Variants in DNAJC10 observed in about 807,000 individuals in gnomAD.
The protein encoded by DNAJC10 is DnaJ heat shock protein family (Hsp40) member C10, also known as endoplasmic reticulum disulfide reductase DNAJC10.
In DNAJC10, 101 loss-of-function variants were observed where a neutral mutation model predicts 115.0. The observed-to-expected ratio is 0.88, with a 90% CI of 0.75 to 1.04. The LOEUF is 1.04. Ranked by LOEUF, DNAJC10 falls within the 50% of genes least tolerant of loss-of-function variation. DNAJC10 has a pLI of 0.00. For missense variants in DNAJC10, 981 were observed against 928.8 expected (o/e 1.06, Z -0.73); for synonymous variants, 307 against 301.5 (o/e 1.02, Z -0.19).
chr2:182,752,583 A>C, intron 16 of DNAJC10: 1 of 944,828 alleles, frequency 1.1e-6, no homozygotes, highest in Non-Finnish European at 1.3e-6. Flanking sequence ...ACAATGAACA[A>C]GCCTTTTGAA....
intron 14 of DNAJC10, among the ~76,000 whole-genome samples, chr2:182,748,394 G>T (rs995891990): frequency 9.2e-5 from 14 of 152,122 alleles, no homozygotes; most frequent in African/African-American, 3.1e-4. Flanking sequence ...ATTGATTATT[G>T]CCACAATTTC....
rs1201551559 is a variant in DNAJC10 at position 182,780,391 on chromosome 2, C to G, written c.*3259C>G. On this transcript the variant is annotated 3_prime_UTR_variant, in exon 24 of 24. Coordinates refer to ENST00000264065, the MANE Select transcript of DNAJC10 (RefSeq NM_018981.4). ...ACCTCCTCTCTTTCTCGCTCCTTCT[C>G]TGTGTGACATGCCTTCTCCCCCCGT... is the stretch of plus-strand genomic sequence containing the variant. 2.0e-5 allele frequency: 3 copies of G among 152,378 alleles called. No individual in the cohort carries two copies. The highest frequency in any genetic ancestry group is 6.5e-5 in the Admixed American group (1 of 15,290). 9.4% of individuals were successfully genotyped at this position (152,378 alleles called of 1,614,324 possible).
At chr2:182,741,584 C>A (rs1039212244) in intron 13 of DNAJC10, among the ~76,000 whole-genome samples, 5 of 152,014 alleles carry the variant, frequency 3.3e-5, no homozygotes, top group African/African-American at 1.2e-4. Context: ...AAACCTGTAT[C>A]ATACAATTTT....
At chr2:182,724,362 A>C (rs1439823208) in intron 5 of DNAJC10, among the ~76,000 whole-genome samples, 2 of 152,210 alleles carry the variant, frequency 1.3e-5, no homozygotes, top group African/African-American at 4.8e-5. Flanking sequence ...ACTCACTTAA[A>C]AAATTTAACA....
At chr2:182,761,921 C>A (rs1034901621) in intron 21 of DNAJC10, among the ~76,000 whole-genome samples, 17 of 151,832 alleles carry the variant, frequency 1.1e-4, no homozygotes, top group Admixed American at 1.1e-3. Context: ...GAAGAACAGT[C>A]AGAGGGGTAA....
intron 5 of DNAJC10, among the ~76,000 whole-genome samples, chr2:182,725,836 A>G (rs1031094277): frequency 3.3e-5 from 5 of 152,224 alleles, no homozygotes; most frequent in Non-Finnish European, 7.3e-5. Flanking sequence ...TCTCAATGTT[A>G]ATGAGACAGC....
At chr2:182,776,510 C>G (rs931054634) in intron 23 of DNAJC10, among the ~76,000 whole-genome samples, 1 of 152,132 alleles carries the variant, frequency 6.6e-6, no homozygotes, top group Non-Finnish European at 1.5e-5. Context: ...GATTCTTTCC[C>G]TATGAGGCGA....
chr2:182,763,985 A>G (rs1019402097), intron 22 of DNAJC10, among the ~76,000 whole-genome samples: 3 of 152,180 alleles, frequency 2.0e-5, no homozygotes, highest in Non-Finnish European at 4.4e-5. Context: ...GCTGAAGGGT[A>G]CTTGTTTGTA....
At chr2:182,735,924 A>G (rs1186401143) in intron 10 of DNAJC10, among the ~76,000 whole-genome samples, 1 of 152,154 alleles carries the variant, frequency 6.6e-6, no homozygotes, top group East Asian at 1.9e-4. Context: ...TTAACCTGAA[A>G]GACTATTGGA....
intron 13 of DNAJC10, 93 bp downstream of exon 13, chr2:182,741,449 T>C (rs756835403): frequency 1.7e-6 from 1 of 583,348 alleles, no homozygotes; most frequent in Non-Finnish European, 2.8e-6. Context: ...TAAAAACTCT[T>C]ATTTGAAATT....
Position 182,750,879 on chromosome 2 carries a change from A to T in DNAJC10, c.1307-779A>T, listed in dbSNP as rs1342327551. 2.0e-5 allele frequency among the ~76,000 whole-genome samples: 3 copies of T among 152,206 alleles called. No individual in the cohort carries two copies. The South Asian group carries it at 6.2e-4, about 31-fold the overall frequency. ...TGGGACCCCATCATATATGTGGTCC[A>T]CCATTGCCTGAAATGTCATTATGCA... On this transcript the variant is annotated intron_variant, in intron 14 of 23. Transcript: ENST00000264065.
At chr2:182,728,555 T>A (rs765690509) in intron 5 of DNAJC10, 21 bp from the exon 6 acceptor site, 2 of 1,553,330 alleles carry the variant, frequency 1.3e-6, no homozygotes, top group Admixed American at 3.4e-5. Flanking sequence ...TCTAAGTTGT[T>A]TGCATTTTAT....
At chr2:182,750,546 G>A (rs369573) in intron 14 of DNAJC10, among the ~76,000 whole-genome samples, 98,042 of 151,952 alleles carry the variant, frequency 0.65, 31,965 homozygotes, top group Middle Eastern at 0.74. Flanking sequence ...CGACAGAGAC[G>A]TCTTCTGAGA....
Position 182,794,356 on chromosome 2 carries a change from A to G in DNAJC10, c.*17224A>G, listed in dbSNP as rs570972077. ...TTTGCATGATGACCACATTAAACTT[A>G]CAGAGTAAGAAATGTCATTCTAGAT... On this transcript the variant is annotated 3_prime_UTR_variant, in exon 24 of 24. Transcript: ENST00000264065. 6.9e-6 allele frequency: 1 copy of G among 144,660 alleles called. No homozygotes were observed. Among genetic ancestry groups the G allele is most frequent in the South Asian group, 2.2e-4 (1 of 4,590 alleles). The allele number at this position is 144,660 out of a possible 1,614,324, so 9.0% of individuals were successfully genotyped here. A position where few individuals can be genotyped will look rare whatever the true frequency, so the allele number is the denominator to read the frequency against.
At position 182,780,466 on chromosome 2, in the gene DNAJC10, A is replaced by G. The variant is rs1694820165; in HGVS notation, c.*3334A>G. 6.6e-6 allele frequency: 1 copy of G among 152,254 alleles called. No homozygotes were observed. 9.4% of individuals were successfully genotyped at this position (152,254 alleles called of 1,614,324 possible). On this transcript the variant is annotated 3_prime_UTR_variant, in exon 24 of 24. Transcript: ENST00000264065. ...CCTGAGACCTCACCAGAAGCTGAGC[A>G]GATGCTGGTGCCATGTTTTTACAGC...
At position 182,781,123 on chromosome 2, in the gene DNAJC10, C is replaced by G. The variant is rs1267030298; in HGVS notation, c.*3991C>G. The G allele has an allele frequency of 6.6e-6, 1 of 152,140 alleles. No homozygotes were observed. The highest frequency in any genetic ancestry group is 2.4e-5 in the African/African-American group (1 of 41,400). 9.4% of individuals were successfully genotyped at this position (152,140 alleles called of 1,614,324 possible). ...CTAATGTTGTCCTTCCCCTTGCCCC[C>G]TACCCCGCCGACAGGCCCCATTGTT... On this transcript the variant is annotated 3_prime_UTR_variant, in exon 24 of 24. Coordinates refer to ENST00000264065, the MANE Select transcript of DNAJC10 (RefSeq NM_018981.4).
At chr2:182,761,310 A>G (rs1208829486) in intron 21 of DNAJC10, among the ~76,000 whole-genome samples, 1 of 152,214 alleles carries the variant, frequency 6.6e-6, no homozygotes, top group Non-Finnish European at 1.5e-5. Context: ...TGGAAATACA[A>G]GTAAGCAAAT....
chr2:182,718,709 T>C (rs1693063764), intron 3 of DNAJC10, among the ~76,000 whole-genome samples: 1 of 152,238 alleles, frequency 6.6e-6, no homozygotes, highest in Admixed American at 6.5e-5. Flanking sequence ...GTTTTAACTT[T>C]GACTGTTTTC....
chr2:182,743,552 T>A (rs954205395), intron 13 of DNAJC10, 46 bp from the exon 14 acceptor site: 13 of 1,353,816 alleles, frequency 9.6e-6, no homozygotes, highest in Non-Finnish European at 1.4e-5. Flanking sequence ...ACAAATCAAA[T>A]GGGTAAGACA....
Sources: gnomAD v4.1 joint callset for allele counts (sites outside exome capture counted in the v4.1 genomes callset) on GRCh38, gnomAD v4.1.1 for gene constraint, MANE v1.5 for transcripts, NCBI Gene and HGNC (gene_info 2026-07-23, HGNC 2026-07-21) for gene names.